The following CSMD1 variants were observed in gnomAD, a reference collection of about 807,000 sequenced individuals.
CSMD1 encodes CUB and Sushi multiple domains 1.
Under a neutral mutation model 417.5 loss-of-function variants are expected in CSMD1, and 213 were observed. That is an observed-to-expected ratio of 0.51 (90% CI 0.46 to 0.57). CSMD1 has a LOEUF of 0.57. Among genes scored for constraint, CSMD1 ranks in the 20% least tolerant of loss-of-function variants. The pLI is 0.00. For missense variants in CSMD1, 6,923 were observed against 4,529.7 expected, an observed-to-expected ratio of 1.53 and a Z score of -15.17; for synonymous variants, 2,862 against 1,736.8, an observed-to-expected ratio of 1.65 and a Z score of -16.11.
chr8:3,111,818 T>C (rs1370651986), intron 42 of CSMD1, among the ~76,000 whole-genome samples: 1 of 151,524 alleles, frequency 6.6e-6, no homozygotes, highest in African/African-American at 2.4e-5. Flanking sequence ...GGTGACAGAG[T>C]CTCTGTCTCT....
At chr8:4,829,413 C>G (rs888839701) in intron 1 of CSMD1, among the ~76,000 whole-genome samples, 3 of 152,046 alleles carry the variant, frequency 2.0e-5, no homozygotes, top group East Asian at 1.9e-4. Flanking sequence ...TTAGTCATAC[C>G]TTTTACTGCT....
chr8:4,495,549 T>C (rs1361093611), intron 2 of CSMD1, among the ~76,000 whole-genome samples: 1 of 151,756 alleles, frequency 6.6e-6, no homozygotes, highest in Non-Finnish European at 1.5e-5. Context: ...CACTCTAGCC[T>C]GGGTGACAGA....
At chr8:3,499,704 G>C (rs1008592392) in intron 10 of CSMD1, among the ~76,000 whole-genome samples, 2 of 152,004 alleles carry the variant, frequency 1.3e-5, no homozygotes, top group African/African-American at 2.4e-5. Flanking sequence ...GTACTTCATG[G>C]TCTTGAGTGC....
chr8:4,669,079 C>A (rs1405574808), intron 1 of CSMD1, among the ~76,000 whole-genome samples: 3 of 152,148 alleles, frequency 2.0e-5, no homozygotes, highest in African/African-American at 7.2e-5. Context: ...TTAATTTTTA[C>A]AGACTTATAA....
intron 5 of CSMD1, among the ~76,000 whole-genome samples, chr8:3,996,493 T>A (rs553444931): frequency 3.5e-4 from 54 of 152,228 alleles, no homozygotes; most frequent in African/African-American, 1.3e-3. Context: ...TTGTCTGAAG[T>A]CATAAGGATT....
intron 29 of CSMD1, among the ~76,000 whole-genome samples, chr8:3,218,571 A>C (rs891010368): frequency 3.4e-5 from 5 of 148,306 alleles, no homozygotes; most frequent in Non-Finnish European, 7.4e-5. Context: ...AAAAATAAAA[A>C]AAAAAAGAAA....
chr8:4,783,595 G>C (rs1442925807), intron 1 of CSMD1, among the ~76,000 whole-genome samples: 1 of 152,230 alleles, frequency 6.6e-6, no homozygotes, highest in Non-Finnish European at 1.5e-5. Context: ...GTGTGGGTTA[G>C]CAGTTTCTCA....
At chr8:3,333,927 G>C (rs1184091518) in intron 23 of CSMD1, among the ~76,000 whole-genome samples, 1 of 152,196 alleles carries the variant, frequency 6.6e-6, no homozygotes, top group Non-Finnish European at 1.5e-5. Flanking sequence ...GACAAAATTA[G>C]ATTGTAGAAA....
intron 1 of CSMD1, among the ~76,000 whole-genome samples, chr8:4,850,565 G>C (rs932605800): frequency 2.6e-5 from 4 of 151,712 alleles, no homozygotes; most frequent in Non-Finnish European, 5.9e-5. Context: ...TCTCTCCCAG[G>C]ACTTCAGCGA....
intron 2 of CSMD1, among the ~76,000 whole-genome samples, chr8:4,556,900 T>G (rs978832212): frequency 6.6e-6 from 1 of 152,186 alleles, no homozygotes; most frequent in Admixed American, 6.5e-5. Flanking sequence ...AAATCAAAAT[T>G]TATGAAATAA....
chr8:3,348,211 G>GT, intron 21 of CSMD1, 50 bp from the exon 22 acceptor site: 1 of 1,449,070 alleles, frequency 6.9e-7, no homozygotes, highest in Non-Finnish European at 9.5e-7. Flanking sequence ...TGGAATTACT[G>GT]TTTTTAACAG....
At chr8:3,469,696 T>C (rs1410418531) in intron 11 of CSMD1, among the ~76,000 whole-genome samples, 2 of 152,206 alleles carry the variant, frequency 1.3e-5, no homozygotes, top group Non-Finnish European at 2.9e-5. Context: ...GCATATGATT[T>C]GCCCCATCAA....
chr8:3,734,320 A>G (rs756942252), intron 6 of CSMD1, among the ~76,000 whole-genome samples: 5 of 152,122 alleles, frequency 3.3e-5, no homozygotes, highest in Non-Finnish European at 7.3e-5. Context: ...CTTATTTATT[A>G]CTGATAGCCA....
intron 4 of CSMD1, among the ~76,000 whole-genome samples, chr8:4,023,743 C>G (rs925993922): frequency 6.9e-6 from 1 of 145,058 alleles, no homozygotes; most frequent in African/African-American, 2.5e-5. Flanking sequence ...CCCACCGCTA[C>G]GCTCGGCTAA....
intron 7 of CSMD1, among the ~76,000 whole-genome samples, chr8:3,697,351 A>C (rs1800610580): frequency 6.6e-6 from 1 of 152,198 alleles, no homozygotes; most frequent in Non-Finnish European, 1.5e-5. Flanking sequence ...ACCAGGCTTA[A>C]GAGATATGTA....
chr8:4,454,121 C>G (rs998687515), intron 2 of CSMD1, among the ~76,000 whole-genome samples: 19 of 152,134 alleles, frequency 1.2e-4, no homozygotes, highest in Admixed American at 6.5e-4. Flanking sequence ...TGTGCCCAGC[C>G]TGCAATTCAT....
intron 58 of CSMD1, among the ~76,000 whole-genome samples, 152 bp downstream of exon 58, chr8:2,966,418 G>A (rs1025562678): frequency 6.6e-6 from 1 of 152,096 alleles, no homozygotes; most frequent in East Asian, 1.9e-4. Flanking sequence ...AAGTACTTAA[G>A]AAATACAGCC....
intron 10 of CSMD1, among the ~76,000 whole-genome samples, chr8:3,511,943 G>T (rs1797092059): frequency 2.0e-5 from 3 of 150,212 alleles, no homozygotes; most frequent in Non-Finnish European, 4.4e-5. Flanking sequence ...GATGATTTTT[G>T]GTAAAAGTTT....
intron 2 of CSMD1, among the ~76,000 whole-genome samples, chr8:4,424,644 C>T (rs929718247): frequency 6.6e-6 from 1 of 152,018 alleles, no homozygotes. Context: ...AAACAGAAAA[C>T]TTCCGAAGAA....
Sources: allele counts gnomAD v4.1 joint callset (sites outside exome capture counted in the v4.1 genomes callset), GRCh38; gene constraint gnomAD v4.1.1; transcripts MANE v1.5; gene names NCBI Gene and HGNC (gene_info 2026-07-23, HGNC 2026-07-21).